CYSLTR1: variants seen among roughly 807,000 people sequenced by gnomAD.
CYSLTR1 encodes cysteinyl leukotriene receptor 1.
CYSLTR1 carries 1 observed loss-of-function variant against 2.1 expected under a neutral mutation model. The observed-to-expected ratio is 0.48, with a 90% CI of 0.17 to 2.28. The LOEUF (loss-of-function observed/expected upper bound fraction) is 2.28. Among genes scored for constraint, CYSLTR1 ranks in the 30% most tolerant of loss-of-function variants. The probability of loss-of-function intolerance (pLI) is 0.26; values close to 1 mark genes in which losing one functional copy is unlikely to be tolerated. For synonymous variants in CYSLTR1, 110 were observed against 89.6 expected (o/e 1.23, Z -1.28); for missense variants, 299 against 250.1 (o/e 1.20, Z -1.32).
intron 2 of CYSLTR1, among the ~76,000 whole-genome samples, chrX:78,280,526 G>GC (rs201708145): frequency 2.4e-5 from 2 of 81,828 alleles, no homozygotes; most frequent in East Asian, 1.3e-3. Flanking sequence ...TGTGTGTGTT[G>GC]GGGGGGGGGT....
chrX:78,304,945 A>G (rs1164181223), intron 1 of CYSLTR1, among the ~76,000 whole-genome samples: 1 of 111,821 alleles, frequency 8.9e-6, no homozygotes, highest in East Asian at 2.8e-4. Context: ...GTAATCGGTT[A>G]CAGAAATAAA....
At chrX:78,293,326 A>G (rs1192681717) in intron 1 of CYSLTR1, among the ~76,000 whole-genome samples, 5 of 111,726 alleles carry the variant, frequency 4.5e-5, no homozygotes, top group Admixed American at 9.5e-5. Context: ...TCTGGCTTGT[A>G]AAGTTTCTGC....
chrX:78,307,857 C>T (rs969301351), intron 1 of CYSLTR1, among the ~76,000 whole-genome samples: 1 of 111,640 alleles, frequency 9.0e-6, no homozygotes. Context: ...TTATCTCAGA[C>T]ATATTTCTGG....
intron 2 of CYSLTR1, among the ~76,000 whole-genome samples, chrX:78,275,468 C>T (rs952534551): frequency 3.6e-5 from 4 of 110,181 alleles, no homozygotes; most frequent in Non-Finnish European, 7.6e-5. Context: ...TCTCAGTAAA[C>T]TATTGCAACT....
intron 1 of CYSLTR1, among the ~76,000 whole-genome samples, chrX:78,289,929 T>C (rs1429791442): frequency 3.6e-5 from 4 of 111,878 alleles, no homozygotes; most frequent in African/African-American, 1.3e-4. Context: ...TTCACTCTGA[T>C]GGTAGTTTCT....
chrX:78,310,863 C>T lies in CYSLTR1; in HGVS notation c.-115+16442G>A, dbSNP rs768555366. On this transcript the variant is annotated intron_variant, in intron 1 of 2. Transcript: ENST00000373304. Reference sequence around the variant, plus strand: ...ATAAGATGAAAGTAGTATGCATGTGCGTGTATGTGTGTTTGGGCGTGTGTG... The same window carrying T: ...ATAAGATGAAAGTAGTATGCATGTGTGTGTATGTGTGTTTGGGCGTGTGTG... 1.4e-4 allele frequency among the ~76,000 whole-genome samples: 15 copies of T among 109,366 alleles called. No homozygotes were observed. In the South Asian group the frequency reaches 2.8e-3, roughly 20 times the overall value. 95.0% of individuals were successfully genotyped at this position (109,366 alleles called of 115,157 possible).
chrX:78,275,739 TA>T (rs1018018790), intron 2 of CYSLTR1, among the ~76,000 whole-genome samples: 2 of 111,031 alleles, frequency 1.8e-5, no homozygotes, highest in African/African-American at 6.5e-5. Flanking sequence ...ATAATAATAA[TA>T]AAAAAAGAAA....
Position 78,273,315 on chromosome X carries a change from A to G in CYSLTR1, c.432T>C (p.Cys144=). The change falls in exon 3 of 3, where the codon TGT becomes TGC. Residue 144 remains cysteine, a synonymous_variant. Coordinates refer to ENST00000373304, the MANE Select transcript of CYSLTR1 (RefSeq NM_006639.4). ...AAATCACAAAAATCCAAATACCTAC[A>G]CACACAAACCTGGCTTTTTTCTGTG... ...LVTQKKARFV[C]VGIWIFVILT... 8.3e-7 allele frequency: 1 copy of G among 1,211,164 alleles called. No individual in the cohort carries two copies. The highest frequency in any genetic ancestry group is 1.1e-6 in the Non-Finnish European group (1 of 895,227).
intron 1 of CYSLTR1, among the ~76,000 whole-genome samples, chrX:78,296,655 T>C (rs971922098): frequency 1.8e-5 from 2 of 111,733 alleles, no homozygotes; most frequent in Non-Finnish European, 3.8e-5. Context: ...TTGTGGCTCT[T>C]GTAATAGGAT....
chrX:78,301,597 T>C (rs1449940544), intron 1 of CYSLTR1, among the ~76,000 whole-genome samples: 1 of 112,055 alleles, frequency 8.9e-6, no homozygotes, highest in Non-Finnish European at 1.9e-5. Context: ...GATTTGATTG[T>C]CCATATTATT....
At chrX:78,274,073 A>G (rs2149180151) in intron 2 of CYSLTR1, among the ~76,000 whole-genome samples, 1 of 111,742 alleles carries the variant, frequency 8.9e-6, no homozygotes, top group East Asian at 2.8e-4. Context: ...CTACTGTAGT[A>G]CAATTCGGTA....
At chrX:78,292,510 T>C (rs1447784287) in intron 1 of CYSLTR1, among the ~76,000 whole-genome samples, 1 of 111,777 alleles carries the variant, frequency 8.9e-6, no homozygotes, top group Non-Finnish European at 1.9e-5. Context: ...TGAGTTCAAG[T>C]CCTGGATATC....
intron 2 of CYSLTR1, among the ~76,000 whole-genome samples, chrX:78,277,741 C>T (rs1464252595): frequency 3.6e-5 from 4 of 111,572 alleles, no homozygotes; most frequent in Non-Finnish European, 5.6e-5. Flanking sequence ...CCCTCAAGGG[C>T]ATCAAATAAT....
chrX:78,277,085 C>T (rs1302352708), intron 2 of CYSLTR1, among the ~76,000 whole-genome samples: 1 of 111,240 alleles, frequency 9.0e-6, no homozygotes, highest in East Asian at 2.8e-4. Context: ...TTCACAGAGC[C>T]CAGAGTATTT....
Position 78,294,091 on chromosome X carries a change from G to A in CYSLTR1, c.-114-10551C>T, listed in dbSNP as rs538807384. ...GATTTTTAGAATTTTCAGCTTTTCT[G>A]CTCTGGTTTCTCCCCATCTTTGTGG... On this transcript the variant is annotated intron_variant, in intron 1 of 2. Transcript: ENST00000373304. Among the ~76,000 whole-genome samples, 4 of 112,195 alleles carry A rather than the reference G, an allele frequency of 3.6e-5. No homozygotes were observed. In the South Asian group the frequency reaches 1.5e-3, roughly 41 times the overall value.
At chrX:78,302,651 T>C (rs1251642967) in intron 1 of CYSLTR1, among the ~76,000 whole-genome samples, 1 of 110,238 alleles carries the variant, frequency 9.1e-6, no homozygotes, top group Non-Finnish European at 1.9e-5. Flanking sequence ...ACTGACAGGA[T>C]TGGGTCCTTC....
chrX:78,275,291 G>A (rs1921530901), intron 2 of CYSLTR1, among the ~76,000 whole-genome samples: 1 of 111,741 alleles, frequency 8.9e-6, no homozygotes, highest in Admixed American at 9.5e-5. Flanking sequence ...TATGTTTATT[G>A]CGGCACTATT....
intron 1 of CYSLTR1, among the ~76,000 whole-genome samples, chrX:78,315,595 AAGGGAACAT>A (rs1923386507): frequency 1.8e-5 from 2 of 111,479 alleles, no homozygotes; most frequent in African/African-American, 6.5e-5. Context: ...CTTGGCCCTT[AAGGGAACAT>A]TGGTGGTAGT....
chrX:78,274,219 G>T (rs188297054), intron 2 of CYSLTR1, among the ~76,000 whole-genome samples: 1 of 111,360 alleles, frequency 9.0e-6, no homozygotes, highest in East Asian at 2.8e-4. Context: ...AAATCTGGAT[G>T]AAAATCCTTG....
Sources: allele counts gnomAD v4.1 joint callset (sites outside exome capture counted in the v4.1 genomes callset), GRCh38; gene constraint gnomAD v4.1.1; transcripts MANE v1.5; gene names NCBI Gene and HGNC (gene_info 2026-07-23, HGNC 2026-07-21).